LRRC3B: variants seen among roughly 807,000 people sequenced by gnomAD.
LRRC3B encodes leucine-rich repeat-containing protein 3B.
In LRRC3B, 2 loss-of-function variants were observed where a neutral mutation model predicts 12.8. The ratio of observed to expected loss-of-function variants is 0.16; its 90% CI spans 0.06 to 0.49. The LOEUF is 0.49. LRRC3B is among the 20% of genes least tolerant of loss of function. LRRC3B has a pLI of 0.96. For missense variants in LRRC3B, 189 were observed against 319.4 expected, an observed-to-expected ratio of 0.59 and a Z score of 3.11; for synonymous variants, 132 against 122.0, an observed-to-expected ratio of 1.08 and a Z score of -0.54.
At chr3:26,685,657 CT>C (rs1559366762) in intron 1 of LRRC3B, among the ~76,000 whole-genome samples, 4 of 143,528 alleles carry the variant, frequency 2.8e-5, no homozygotes, top group African/African-American at 1.1e-4. Flanking sequence ...TTTTTAAAAA[CT>C]ACTATTACTA....
intron 1 of LRRC3B, among the ~76,000 whole-genome samples, chr3:26,700,555 A>G (rs1170520959): frequency 2.0e-5 from 3 of 152,158 alleles, no homozygotes; most frequent in African/African-American, 7.2e-5. Flanking sequence ...TAATCAAATG[A>G]AAGCATGCAT....
intron 1 of LRRC3B, among the ~76,000 whole-genome samples, chr3:26,659,071 A>G (rs1240302381): frequency 6.6e-6 from 1 of 152,234 alleles, no homozygotes; most frequent in African/African-American, 2.4e-5. Flanking sequence ...TATGTTAAAA[A>G]TGGGAGGTGG....
At chr3:26,642,827 G>A (rs1026750817) in intron 1 of LRRC3B, among the ~76,000 whole-genome samples, 1 of 152,132 alleles carries the variant, frequency 6.6e-6, no homozygotes, top group Non-Finnish European at 1.5e-5. Context: ...GGCCATCCTG[G>A]CTAACATGGT....
At chr3:26,700,475 A>G (rs771835530) in intron 1 of LRRC3B, among the ~76,000 whole-genome samples, 5 of 152,154 alleles carry the variant, frequency 3.3e-5, no homozygotes, top group Non-Finnish European at 7.4e-5. Context: ...CCATTTTATG[A>G]GTTCCTCTAC....
chr3:26,671,363 T>TAGAGAGAGAGAGAG (rs1168867674), intron 1 of LRRC3B, among the ~76,000 whole-genome samples: 1 of 46,232 alleles, frequency 2.2e-5, no homozygotes, highest in Non-Finnish European at 4.1e-5. Context: ...TATATATATA[T>TAGAGAGAGAGAGAG]ATATATATAT....
chr3:26,652,555 A>G (rs751358141), intron 1 of LRRC3B, among the ~76,000 whole-genome samples: 1 of 152,230 alleles, frequency 6.6e-6, no homozygotes, highest in Non-Finnish European at 1.5e-5. Flanking sequence ...GAAAATGTGT[A>G]GGAATCCTTT....
In LRRC3B at chr3:26,701,829, G is replaced by GTGTC. The variant is rs201549152; in HGVS notation, c.-160-7683_-160-7680dup. Among the ~76,000 whole-genome samples the GTGTC allele has an allele frequency of 6.5e-3, 995 of 152,208 alleles. 10 individuals are homozygous for GTGTC. Among genetic ancestry groups the GTGTC allele is most frequent in the African/African-American group, 0.023 (938 of 41,524 alleles). ...AAGGACACATTGACTCACAGAACAT[G>GTGTC]TGTCAGCCAAGCTTTATATGGTAAC... On this transcript the variant is annotated intron_variant, in intron 1 of 1. Transcript: ENST00000396641.
chr3:26,695,041 C>CGTGT (rs57701247), intron 1 of LRRC3B, among the ~76,000 whole-genome samples: 11 of 150,812 alleles, frequency 7.3e-5, no homozygotes, highest in East Asian at 5.8e-4. Context: ...AAAGCTTTTG[C>CGTGT]GTGTGTGTGT....
rs868531566 is a variant in LRRC3B, at chr3:26,648,440, T to C, written c.-161+25203T>C. Among the ~76,000 whole-genome samples the C allele has an allele frequency of 8.5e-4, 130 of 152,316 alleles. 1 individual carries two copies. Among genetic ancestry groups the C allele is most frequent in the African/African-American group, 3.1e-3 (129 of 41,584 alleles). On this transcript the variant is annotated intron_variant, in intron 1 of 1. Transcript: ENST00000396641. ...TTTTACAAGAAATGAAAAGGGCTTT[T>C]TTTTTGTTTCAGTAAAAATTTAAAT...
At chr3:26,673,670 C>G (rs1488118644) in intron 1 of LRRC3B, among the ~76,000 whole-genome samples, 2 of 152,176 alleles carry the variant, frequency 1.3e-5, no homozygotes, top group Non-Finnish European at 2.9e-5. Context: ...GCTTAGGTCT[C>G]TAAGCTGCTC....
At chr3:26,699,962 T>G (rs1405096385) in intron 1 of LRRC3B, among the ~76,000 whole-genome samples, 1 of 152,100 alleles carries the variant, frequency 6.6e-6, no homozygotes, top group Admixed American at 6.6e-5. Flanking sequence ...AAAAATGTAT[T>G]TGTTTGTTTT....
chr3:26,626,184 G>C (rs1698621518), intron 1 of LRRC3B, among the ~76,000 whole-genome samples: 1 of 152,208 alleles, frequency 6.6e-6, no homozygotes, highest in Non-Finnish European at 1.5e-5. Context: ...GTACACCTTG[G>C]TATAGTGGAA....
intron 1 of LRRC3B, among the ~76,000 whole-genome samples, chr3:26,657,002 ATTAT>A (rs1699385732): frequency 6.6e-6 from 1 of 152,124 alleles, no homozygotes; most frequent in South Asian, 2.1e-4. Flanking sequence ...AACTTTTTCT[ATTAT>A]TTAGGAGGAA....
chr3:26,682,372 A>G (rs976521404), intron 1 of LRRC3B, among the ~76,000 whole-genome samples: 4 of 152,134 alleles, frequency 2.6e-5, no homozygotes, highest in African/African-American at 9.7e-5. Flanking sequence ...TCTGAAGTTC[A>G]CTGCCCCTTT....
At chr3:26,694,690 A>C (rs1462353420) in intron 1 of LRRC3B, 2 of 152,232 alleles carry the variant, frequency 1.3e-5, no homozygotes, top group Non-Finnish European at 2.9e-5. Context: ...ACTTGATTTT[A>C]TCTAGCTTCA....
intron 1 of LRRC3B, among the ~76,000 whole-genome samples, chr3:26,677,823 C>T (rs1251989121): frequency 6.6e-6 from 1 of 151,636 alleles, no homozygotes; most frequent in East Asian, 1.9e-4. Context: ...TTTTGTGAGA[C>T]AGGGTCTCAC....
intron 1 of LRRC3B, chr3:26,694,493 C>G (rs1320544078): frequency 6.6e-6 from 1 of 152,136 alleles, no homozygotes. Flanking sequence ...TGATTCTGAT[C>G]CCTTTGAAGG....
At chr3:26,644,157 CAAG>C (rs1405641011) in intron 1 of LRRC3B, among the ~76,000 whole-genome samples, 2 of 152,148 alleles carry the variant, frequency 1.3e-5, no homozygotes, top group African/African-American at 4.8e-5. Context: ...AAGTTGACTT[CAAG>C]AAGAAGATTA....
chr3:26,680,431 C>T (rs969323606), intron 1 of LRRC3B, among the ~76,000 whole-genome samples: 2 of 152,020 alleles, frequency 1.3e-5, no homozygotes, highest in African/African-American at 4.8e-5. Flanking sequence ...CAGGATTTCT[C>T]CTATTTGAGG....
Sources: gnomAD v4.1 joint callset for allele counts (sites outside exome capture counted in the v4.1 genomes callset) on GRCh38, gnomAD v4.1.1 for gene constraint, MANE v1.5 for transcripts, NCBI Gene and HGNC (gene_info 2026-07-23, HGNC 2026-07-21) for gene names.